The following BMP5 variants were observed in gnomAD, a reference collection of about 807,000 sequenced individuals.
BMP5 encodes the protein bone morphogenetic protein 5.
Under a neutral mutation model 46.6 loss-of-function variants are expected in BMP5, and 23 were observed. The observed-to-expected ratio is 0.49, with a 90% confidence interval of 0.35 to 0.70. The LOEUF (loss-of-function observed/expected upper bound fraction) is 0.70, where lower values mean the gene tolerates loss of function less well. BMP5 is among the 30% of genes least tolerant of loss of function. The pLI is 0.00. For synonymous variants in BMP5, 204 were observed against 191.9 expected (o/e 1.06, Z -0.52); for missense variants, 545 against 565.6 (o/e 0.96, Z 0.37).
intron 4 of BMP5, among the ~76,000 whole-genome samples, chr6:55,761,966 G>A (rs1774794444): frequency 6.6e-6 from 1 of 152,046 alleles, no homozygotes; most frequent in African/African-American, 2.4e-5. Context: ...ATTTCTCATA[G>A]TGTTCCATAA....
chr6:55,765,455 C>A (rs1228616086), intron 4 of BMP5, among the ~76,000 whole-genome samples: 1 of 152,004 alleles, frequency 6.6e-6, no homozygotes, highest in African/African-American at 2.4e-5. Flanking sequence ...AAGTTGATAC[C>A]TAAAGCATCA....
chr6:55,785,537 T>C (rs1327709420), intron 3 of BMP5, among the ~76,000 whole-genome samples: 1 of 151,818 alleles, frequency 6.6e-6, no homozygotes, highest in Non-Finnish European at 1.5e-5. Flanking sequence ...GGTCACAGCA[T>C]ACGTGGGTTT....
At chr6:55,872,300 G>C (rs1777805551) in intron 1 of BMP5, among the ~76,000 whole-genome samples, 1 of 151,544 alleles carries the variant, frequency 6.6e-6, no homozygotes. Context: ...ATTAAATAAA[G>C]AAGAAACAAC....
At chr6:55,763,811 T>G (rs1379732915) in intron 4 of BMP5, among the ~76,000 whole-genome samples, 1 of 152,186 alleles carries the variant, frequency 6.6e-6, no homozygotes, top group Non-Finnish European at 1.5e-5. Flanking sequence ...CATGCCAAAA[T>G]AGTAAACATA....
At chr6:55,812,097 C>A (rs1389701536) in intron 2 of BMP5, among the ~76,000 whole-genome samples, 1 of 152,130 alleles carries the variant, frequency 6.6e-6, no homozygotes, top group African/African-American at 2.4e-5. Context: ...ACCTCCTTTC[C>A]CAATAATGCC....
intron 2 of BMP5, among the ~76,000 whole-genome samples, chr6:55,812,462 C>T (rs1313890099): frequency 1.3e-5 from 2 of 152,184 alleles, no homozygotes; most frequent in African/African-American, 4.8e-5. Flanking sequence ...GTTAATAGGT[C>T]AGACTGTGTC....
At chr6:55,837,191 A>G (rs1355503323) in intron 1 of BMP5, among the ~76,000 whole-genome samples, 1 of 151,866 alleles carries the variant, frequency 6.6e-6, no homozygotes, top group African/African-American at 2.4e-5. Context: ...AGCTGGAACT[A>G]TGGGTGTGGG....
At chr6:55,814,689 G>T (rs1365397672) in intron 2 of BMP5, among the ~76,000 whole-genome samples, 1 of 152,158 alleles carries the variant, frequency 6.6e-6, no homozygotes, top group Non-Finnish European at 1.5e-5. Flanking sequence ...TACAGAAAGT[G>T]AATCCTGCAT....
intron 1 of BMP5, among the ~76,000 whole-genome samples, chr6:55,865,236 T>A (rs970584196): frequency 1.3e-5 from 2 of 152,162 alleles, no homozygotes; most frequent in Non-Finnish European, 2.9e-5. Flanking sequence ...TTTTTTACAT[T>A]CTTTCAAAGG....
intron 3 of BMP5, among the ~76,000 whole-genome samples, chr6:55,787,759 T>G (rs1422097433): frequency 6.6e-6 from 1 of 151,624 alleles, no homozygotes; most frequent in Non-Finnish European, 1.5e-5. Context: ...TCAAGATAAT[T>G]GTCCTGATAA....
intron 6 of BMP5, among the ~76,000 whole-genome samples, chr6:55,756,040 T>A (rs1582038693): frequency 1.3e-5 from 2 of 151,938 alleles, no homozygotes; most frequent in East Asian, 3.9e-4. Context: ...ATGAGGAATA[T>A]GGAAGTTACA....
At chr6:55,848,627 T>C (rs1399295834) in intron 1 of BMP5, among the ~76,000 whole-genome samples, 3 of 151,894 alleles carry the variant, frequency 2.0e-5, no homozygotes, top group Admixed American at 6.6e-5. Flanking sequence ...AGTTGGGAGT[T>C]TATGCTGTGG....
intron 2 of BMP5, among the ~76,000 whole-genome samples, chr6:55,800,151 A>G (rs992287375): frequency 2.6e-5 from 4 of 152,142 alleles, no homozygotes; most frequent in African/African-American, 9.7e-5. Context: ...TTCAAACAAC[A>G]TAGATGGATC....
At chr6:55,836,458 A>G (rs1461004504) in intron 1 of BMP5, among the ~76,000 whole-genome samples, 3 of 152,160 alleles carry the variant, frequency 2.0e-5, no homozygotes, top group Non-Finnish European at 4.4e-5. Context: ...GAAGTCCAGC[A>G]TGAGAAATCT....
At chr6:55,829,641 T>C (rs1266817238) in intron 1 of BMP5, among the ~76,000 whole-genome samples, 1 of 151,846 alleles carries the variant, frequency 6.6e-6, no homozygotes, top group Non-Finnish European at 1.5e-5. Flanking sequence ...TAATAGAATC[T>C]CTATAATTCT....
intron 4 of BMP5, among the ~76,000 whole-genome samples, chr6:55,761,862 GCT>G (rs2127516325): frequency 6.6e-6 from 1 of 151,986 alleles, no homozygotes; most frequent in South Asian, 2.1e-4. Flanking sequence ...ATCTCGTTTG[GCT>G]CTGTTTTGCT....
At chr6:55,766,052 T>C (rs1774909578) in intron 4 of BMP5, among the ~76,000 whole-genome samples, 1 of 152,108 alleles carries the variant, frequency 6.6e-6, no homozygotes, top group Non-Finnish European at 1.5e-5. Flanking sequence ...TTAATAAGCT[T>C]CTTGATTTTC....
intron 2 of BMP5, among the ~76,000 whole-genome samples, chr6:55,811,690 T>A (rs1443091730): frequency 6.6e-6 from 1 of 151,574 alleles, no homozygotes; most frequent in East Asian, 1.9e-4. Context: ...TCTTTCTCCC[T>A]CTCTCTCTCT....
intron 1 of BMP5, among the ~76,000 whole-genome samples, chr6:55,863,465 A>C (rs1042870464): frequency 6.6e-6 from 1 of 152,168 alleles, no homozygotes; most frequent in Middle Eastern, 3.2e-3. Flanking sequence ...ACATCAATAC[A>C]TTGGCAGAAA....
Sources: allele counts gnomAD v4.1 joint callset (sites outside exome capture counted in the v4.1 genomes callset), GRCh38; gene constraint gnomAD v4.1.1; transcripts MANE v1.5; gene names NCBI Gene and HGNC (gene_info 2026-07-23, HGNC 2026-07-21).